The following KLF8 variants were observed in gnomAD, a reference collection of about 807,000 sequenced individuals.
The protein encoded by KLF8 is KLF transcription factor 8, also known as Krueppel-like factor 8.
In KLF8, 10 loss-of-function variants were observed where a neutral mutation model predicts 18.2. That is an observed-to-expected ratio of 0.55 (90% confidence interval 0.34 to 0.93). The LOEUF (loss-of-function observed/expected upper bound fraction) is 0.93, where lower values mean the gene tolerates loss of function less well. KLF8 is among the 40% of genes least tolerant of loss of function. KLF8 has a pLI of 0.02. For synonymous variants in KLF8, 109 were observed against 97.3 expected, an observed-to-expected ratio of 1.12 and a Z score of -0.71; for missense variants, 264 against 277.9, an observed-to-expected ratio of 0.95 and a Z score of 0.36.
At chrX:56,167,646 CA>C in the KLF8 span, among the ~76,000 whole-genome samples, 6 of 112,004 alleles carry the variant, frequency 5.4e-5, no homozygotes, top group African/African-American at 1.9e-4. Flanking sequence ...ATGATTGTTG[CA>C]GTCCTATTTA....
At chrX:56,163,065 G>T in the KLF8 span, among the ~76,000 whole-genome samples, 2 of 112,284 alleles carry the variant, frequency 1.8e-5, no homozygotes, top group African/African-American at 6.5e-5. Context: ...ATGCATGTAT[G>T]TGTCTTTATA....
chrX:56,117,102 C>A, the KLF8 span, among the ~76,000 whole-genome samples: 5 of 110,022 alleles, frequency 4.5e-5, no homozygotes, highest in Admixed American at 9.8e-5. Context: ...ACAGCAAGAC[C>A]CCTATCTCTA....
chrX:55,932,851 G>A, the KLF8 span, among the ~76,000 whole-genome samples: 1 of 111,136 alleles, frequency 9.0e-6, no homozygotes, highest in Non-Finnish European at 1.9e-5. Flanking sequence ...GTGTCTTGAG[G>A]TTGCTCTTCT....
chrX:55,926,888 T>C, the KLF8 span, among the ~76,000 whole-genome samples: 1 of 105,575 alleles, frequency 9.5e-6, no homozygotes, highest in Non-Finnish European at 1.9e-5. Flanking sequence ...GACATACCGA[T>C]AGACAACCCT....
chrX:56,068,809 T>C, the KLF8 span, among the ~76,000 whole-genome samples: 5 of 111,189 alleles, frequency 4.5e-5, no homozygotes, highest in African/African-American at 1.6e-4. Flanking sequence ...TGTTGTCCCA[T>C]GAAACATCCA....
the KLF8 span, among the ~76,000 whole-genome samples, chrX:56,062,281 GT>G: frequency 9.0e-6 from 1 of 111,058 alleles, no homozygotes; most frequent in Non-Finnish European, 1.9e-5. Flanking sequence ...AATTTGGCAG[GT>G]TTTTATAGTG....
chrX:56,141,409 T>A, the KLF8 span, among the ~76,000 whole-genome samples: 1 of 111,883 alleles, frequency 8.9e-6, no homozygotes, highest in Non-Finnish European at 1.9e-5. Context: ...AACTTTGTTA[T>A]TCCCAAATGA....
the KLF8 span, among the ~76,000 whole-genome samples, chrX:55,953,729 C>A: frequency 9.0e-6 from 1 of 110,776 alleles, no homozygotes; most frequent in Non-Finnish European, 1.9e-5. Context: ...GATAAAGAAT[C>A]ATCTTTTCAG....
In KLF8 at chrX:56,285,227, A is replaced by T. The variant is rs913349280; in HGVS notation, c.*733A>T. ...TTCAGGATTAAAGATTTTGCTGCAC[A>T]ATTGTTATTTGTTAGGTTAAATTTG... On this transcript the variant is annotated 3_prime_UTR_variant, in exon 6 of 6. Transcript: ENST00000468660. 9.0e-6 allele frequency: 1 copy of T among 111,645 alleles called. No homozygotes were observed. Among genetic ancestry groups the T allele is most frequent in the African/African-American group, 3.3e-5 (1 of 30,624 alleles). The allele number at this position is 111,645 out of a possible 1,213,427, so 9.2% of individuals were successfully genotyped here. A position where few individuals can be genotyped will look rare whatever the true frequency, so the allele number is the denominator to read the frequency against.
chrX:56,094,434 C>G, the KLF8 span, among the ~76,000 whole-genome samples: 1 of 110,888 alleles, frequency 9.0e-6, no homozygotes. Context: ...CGTGTATGTA[C>G]TTAACAACAC....
At chrX:56,002,417 ATGTGTGTGTGTG>A in the KLF8 span, among the ~76,000 whole-genome samples, 3,040 of 92,601 alleles carry the variant, frequency 0.033, 132 homozygotes, top group African/African-American at 0.13. Flanking sequence ...ATTTGTGTGT[ATGTGTGTGTGTG>A]TGTGTGTGTG....
At chrX:56,142,741 G>A in the KLF8 span, among the ~76,000 whole-genome samples, 2 of 111,415 alleles carry the variant, frequency 1.8e-5, no homozygotes, top group Non-Finnish European at 3.8e-5. Flanking sequence ...TTCAAATAAT[G>A]ACAATTCCAT....
chrX:56,012,996 A>G, the KLF8 span, among the ~76,000 whole-genome samples: 1 of 112,092 alleles, frequency 8.9e-6, no homozygotes, highest in East Asian at 2.8e-4. Flanking sequence ...ACAGCATGGT[A>G]CTGGTACAAA....
the KLF8 span, among the ~76,000 whole-genome samples, chrX:56,103,714 G>T: frequency 1.8e-5 from 2 of 111,025 alleles, no homozygotes; most frequent in Non-Finnish European, 3.8e-5. Context: ...TCTTTCTCCT[G>T]CCTGATTGCC....
At chrX:55,951,151 G>A in the KLF8 span, among the ~76,000 whole-genome samples, 1 of 111,322 alleles carries the variant, frequency 9.0e-6, no homozygotes, top group African/African-American at 3.3e-5. Flanking sequence ...GGTCAATTCA[G>A]TAAATATGTA....
At chrX:56,136,962 C>A in the KLF8 span, among the ~76,000 whole-genome samples, 3 of 112,175 alleles carry the variant, frequency 2.7e-5, no homozygotes, top group Non-Finnish European at 5.6e-5. Flanking sequence ...ACAGACACTT[C>A]TCAAAAGGAG....
At chrX:56,160,985 C>G in the KLF8 span, among the ~76,000 whole-genome samples, 1 of 111,231 alleles carries the variant, frequency 9.0e-6, no homozygotes, top group Non-Finnish European at 1.9e-5. Context: ...TTCCTAGCCT[C>G]GATGGTCTTT....
chrX:56,036,185 G>T, the KLF8 span, among the ~76,000 whole-genome samples: 2 of 111,649 alleles, frequency 1.8e-5, no homozygotes, highest in Admixed American at 9.5e-5. Flanking sequence ...ATAGTGAACA[G>T]ATCATGGTAA....
the KLF8 span, among the ~76,000 whole-genome samples, chrX:55,921,956 C>A: frequency 8.9e-6 from 1 of 111,843 alleles, no homozygotes; most frequent in Non-Finnish European, 1.9e-5. Context: ...ATTAAAAAGT[C>A]AAGAAACAAC....
Sources: gnomAD v4.1 joint callset for allele counts (sites outside exome capture counted in the v4.1 genomes callset) on GRCh38, gnomAD v4.1.1 for gene constraint, MANE v1.5 for transcripts, NCBI Gene and HGNC (gene_info 2026-07-23, HGNC 2026-07-21) for gene names.